Variants in ARPC1B observed in about 807,000 individuals in gnomAD.
ARPC1B encodes actin-related protein 2/3 complex subunit 1B.
A neutral mutation model predicts 46.0 loss-of-function variants in ARPC1B; 29 were observed. The observed-to-expected ratio is 0.63, with a 90% confidence interval of 0.47 to 0.86. The LOEUF (loss-of-function observed/expected upper bound fraction) is 0.86. Ranked by LOEUF, ARPC1B falls within the 40% of genes least tolerant of loss-of-function variation. The pLI is 0.00. For synonymous variants in ARPC1B, 201 were observed against 213.9 expected (o/e 0.94, Z 0.53); for missense variants, 469 against 529.4 (o/e 0.89, Z 1.12).
intron 1 of ARPC1B, among the ~76,000 whole-genome samples, chr7:99,378,050 C>G (rs1794080819): frequency 6.6e-6 from 1 of 151,930 alleles, no homozygotes; most frequent in Non-Finnish European, 1.5e-5. Flanking sequence ...ATAAAGACAG[C>G]TATTATAAAC....
At chr7:99,382,713 A>G (rs1380345815) in intron 1 of ARPC1B, among the ~76,000 whole-genome samples, 4 of 152,048 alleles carry the variant, frequency 2.6e-5, no homozygotes, top group South Asian at 2.1e-4. Flanking sequence ...GCCTGAAGCA[A>G]TCCTCCTGCC....
In ARPC1B at chr7:99,388,221, C is replaced by T; in HGVS notation, c.352C>T (p.Arg118Cys). The change falls in exon 4 of 10, where the codon CGT becomes TGT. Residue 118 changes from arginine (R) to cysteine (C), a missense_variant. Arg to Cys is a radical substitution (Grantham distance 180). Transcript: ENST00000646101. ...ENKFAVGSGS[R>C]VISICYFEQE... ...CAAGTTTGCTGTGGGCAGCGGCTCT[C>T]GTGTGATCTCCATCTGTTATTTCGA... 6.2e-7 allele frequency: 1 copy of T among 1,614,180 alleles called. No homozygotes were observed. Among genetic ancestry groups the T allele is most frequent in the Non-Finnish European group, 8.5e-7 (1 of 1,180,020 alleles).
At chr7:99,384,418 T>C (rs1377459666) in intron 1 of ARPC1B, among the ~76,000 whole-genome samples, 4 of 130,098 alleles carry the variant, frequency 3.1e-5, no homozygotes, top group African/African-American at 1.0e-4. Flanking sequence ...GAGACCCCCC[T>C]CTCTACAAAC....
intron 1 of ARPC1B, among the ~76,000 whole-genome samples, chr7:99,381,097 C>G (rs867687986): frequency 6.6e-6 from 1 of 152,174 alleles, no homozygotes; most frequent in Non-Finnish European, 1.5e-5. Flanking sequence ...AGGGAAACCC[C>G]CATCAGACCT....
At chr7:99,385,186 C>T (rs963370291) in intron 1 of ARPC1B, among the ~76,000 whole-genome samples, 12 of 151,492 alleles carry the variant, frequency 7.9e-5, no homozygotes, top group South Asian at 2.1e-4. Flanking sequence ...GAACTCCTGG[C>T]CGCAAGTGAT....
In ARPC1B at chr7:99,394,771, C is replaced by T; in HGVS notation, c.*282C>T. 6 of 1,143,538 alleles carry T rather than the reference C, an allele frequency of 5.2e-6. No individual in the cohort carries two copies. The highest frequency in any genetic ancestry group is 6.3e-6 in the Non-Finnish European group (6 of 948,082). The allele number at this position is 1,143,538 out of a possible 1,614,324, so 70.8% of individuals were successfully genotyped here. A position where few individuals can be genotyped will look rare whatever the true frequency, so the allele number is the denominator to read the frequency against. ...TTCAAAATGTGGAGGTAATAAAATG[C>T]AACTGTGTAAAAAAAAAAAAAAAAA... On this transcript the variant is annotated 3_prime_UTR_variant, in exon 10 of 10. Transcript: ENST00000646101.
At chr7:99,391,487 A>G (rs1035303155) in intron 7 of ARPC1B, among the ~76,000 whole-genome samples, 3 of 151,654 alleles carry the variant, frequency 2.0e-5, no homozygotes, top group Non-Finnish European at 1.5e-5. Context: ...GCTCACACTT[A>G]AAATCCCAGC....
At position 99,394,435 on chromosome 7, in the gene ARPC1B, T is replaced by G. The variant is rs369833730; in HGVS notation, c.1081-16T>G. 92 of 1,609,208 alleles carry G rather than the reference T, an allele frequency of 5.7e-5. No homozygotes were observed. In the African/African-American group the frequency reaches 1.2e-3, roughly 21 times the overall value. ...GGACAGCTGAGAACCAGCCTGTCCG[T>G]TCTGCCTCCCTGCAGAGCTTGGAGT... is the stretch of plus-strand genomic sequence containing the variant. On this transcript the variant is annotated splice_polypyrimidine_tract_variant and intron_variant, in intron 9 of 9. Transcript: ENST00000646101.
chr7:99,389,825 G>A (rs1391814083), intron 4 of ARPC1B, 80 bp from the exon 5 acceptor site: 1 of 1,198,670 alleles, frequency 8.3e-7, no homozygotes, highest in Non-Finnish European at 1.2e-6. Context: ...AGCAGTGGGA[G>A]CCTGGAGTCC....
intron 1 of ARPC1B, among the ~76,000 whole-genome samples, chr7:99,385,451 C>T (rs1328255698): frequency 6.6e-6 from 1 of 152,106 alleles, no homozygotes; most frequent in Non-Finnish European, 1.5e-5. Flanking sequence ...GTCCCTGGAG[C>T]CTCAGAGACA....
intron 1 of ARPC1B, among the ~76,000 whole-genome samples, chr7:99,379,693 G>A (rs1794151854): frequency 6.6e-6 from 1 of 152,096 alleles, no homozygotes. Context: ...TGTAAACCCA[G>A]CACAGTAAGG....
rs761445791 is a variant in ARPC1B at position 99,386,793 on chromosome 7, T to C, written c.169+4T>C. On this transcript the variant is annotated splice_donor_region_variant and intron_variant, in intron 3 of 9. Coordinates refer to ENST00000646101, the MANE Select transcript of ARPC1B (RefSeq NM_005720.4). ...GAGCACAACGGGCAGGTGACAGGTA[T>C]GTCAGGGTGGCTGGGACCACCGTCC... The C allele has an allele frequency of 4.3e-6, 7 of 1,611,598 alleles. No individual in the cohort carries two copies. The highest frequency in any genetic ancestry group is 1.7e-5 in the Admixed American group (1 of 59,986).
intron 4 of ARPC1B, 31 bp from the exon 5 acceptor site, chr7:99,389,874 C>A: frequency 6.3e-7 from 1 of 1,586,752 alleles, no homozygotes; most frequent in Non-Finnish European, 8.7e-7. Context: ...GCCTGTCCCT[C>A]TCTCCCTGTC....
At chr7:99,393,760 C>T (rs2150899383) in intron 8 of ARPC1B, among the ~76,000 whole-genome samples, 1 of 152,194 alleles carries the variant, frequency 6.6e-6, no homozygotes, top group Non-Finnish European at 1.5e-5. Flanking sequence ...CCTTTTTTGT[C>T]CTGTCCAGCT....
At chr7:99,381,256 C>T (rs139020278) in intron 1 of ARPC1B, among the ~76,000 whole-genome samples, 89 of 152,286 alleles carry the variant, frequency 5.8e-4, no homozygotes, top group Middle Eastern at 3.4e-3. Context: ...GCAAAGTGTG[C>T]TTGTGGACAC....
intron 2 of ARPC1B, chr7:99,386,262 A>AG (rs1794388102): frequency 1.1e-5 from 4 of 356,962 alleles, no homozygotes; most frequent in African/African-American, 2.1e-5. Flanking sequence ...AAAAAAAAAA[A>AG]AGAGAGAAAG....
intron 8 of ARPC1B, 21 bp downstream of exon 8, chr7:99,392,897 G>T (rs1463030588): frequency 7.2e-6 from 11 of 1,521,350 alleles, no homozygotes; most frequent in Admixed American, 2.1e-5. Flanking sequence ...GAGCCGGGCC[G>T]GCGGGTGGGC....
At chr7:99,375,643 C>A (rs1276312010) in intron 1 of ARPC1B, among the ~76,000 whole-genome samples, 1 of 152,238 alleles carries the variant, frequency 6.6e-6, no homozygotes, top group Non-Finnish European at 1.5e-5. Flanking sequence ...CCCATCCCGG[C>A]CGGGCGCGGT....
chr7:99,393,675 G>C (rs1159194372), intron 8 of ARPC1B, among the ~76,000 whole-genome samples: 1 of 152,192 alleles, frequency 6.6e-6, no homozygotes, highest in Non-Finnish European at 1.5e-5. Context: ...GTGTCCGCCA[G>C]ATCCGATGGC....
Sources: gnomAD v4.1 joint callset for allele counts (sites outside exome capture counted in the v4.1 genomes callset) on GRCh38, gnomAD v4.1.1 for gene constraint, MANE v1.5 for transcripts, NCBI Gene and HGNC (gene_info 2026-07-23, HGNC 2026-07-21) for gene names.